The following SULF1 variants were observed in gnomAD, a reference collection of about 807,000 sequenced individuals.
SULF1 encodes the protein sulfatase 1.
In SULF1, 46 loss-of-function variants were observed where a neutral mutation model predicts 110.5. The ratio of observed to expected loss-of-function variants is 0.42; its 90% CI spans 0.33 to 0.53. The LOEUF (loss-of-function observed/expected upper bound fraction) is 0.53. Among genes scored for constraint, SULF1 ranks in the 20% least tolerant of loss-of-function variants. The pLI, the probability that SULF1 is intolerant of heterozygous loss-of-function variation, is 0.12. For missense variants in SULF1, 941 were observed against 1,094.2 expected (o/e 0.86, Z 1.98); for synonymous variants, 371 against 387.1 (o/e 0.96, Z 0.49).
At chr8:69,588,219 C>T (rs368339176) in intron 7 of SULF1, among the ~76,000 whole-genome samples, 45 of 152,130 alleles carry the variant, frequency 3.0e-4, no homozygotes, top group African/African-American at 8.0e-4. Context: ...CTGCATCAGC[C>T]CCCCCTGACT....
At chr8:69,573,267 C>T (rs111767889) in intron 5 of SULF1, among the ~76,000 whole-genome samples, 43 of 152,336 alleles carry the variant, frequency 2.8e-4, no homozygotes, top group African/African-American at 9.4e-4. Context: ...GGGAGCCCTA[C>T]ACAATCAGCT....
chr8:69,494,898 AAAAG>A (rs1463964332), intron 1 of SULF1, among the ~76,000 whole-genome samples: 3 of 151,914 alleles, frequency 2.0e-5, no homozygotes, highest in Admixed American at 6.6e-5. Context: ...AAAAAAAAAA[AAAAG>A]AGAGAGACTA....
chr8:69,578,959 C>T (rs1805848702), intron 6 of SULF1, among the ~76,000 whole-genome samples: 1 of 151,216 alleles, frequency 6.6e-6, no homozygotes, highest in South Asian at 2.1e-4. Flanking sequence ...GTCAGGAGAT[C>T]GAGACCATCC....
intron 3 of SULF1, among the ~76,000 whole-genome samples, chr8:69,557,121 A>G (rs1321702140): frequency 3.3e-5 from 5 of 152,218 alleles, no homozygotes; most frequent in Admixed American, 6.5e-5. Context: ...TTATCGCTGC[A>G]TAGTATTTCA....
intron 8 of SULF1, among the ~76,000 whole-genome samples, chr8:69,594,268 C>T (rs1586498532): frequency 1.3e-5 from 2 of 152,278 alleles, no homozygotes; most frequent in South Asian, 2.1e-4. Flanking sequence ...TCAGGCTGGT[C>T]TTGAACTCCT....
At chr8:69,563,877 T>C (rs1815681236) in intron 4 of SULF1, 39 bp from the exon 5 acceptor site, 3 of 1,265,134 alleles carry the variant, frequency 2.4e-6, no homozygotes, top group Non-Finnish European at 3.4e-6. Flanking sequence ...TTGGATTTCA[T>C]TTTAGTCTCA....
upstream of SULF1, among the ~76,000 whole-genome samples, chr8:69,492,390 A>G (rs551562300): frequency 1.3e-4 from 20 of 152,162 alleles, no homozygotes; most frequent in South Asian, 4.2e-3. Flanking sequence ...ATCCTTAGGA[A>G]AACAAGAGAC....
intron 5 of SULF1, among the ~76,000 whole-genome samples, chr8:69,565,315 T>A (rs550464810): frequency 8.3e-4 from 127 of 152,218 alleles, no homozygotes; most frequent in African/African-American, 3.0e-3. Flanking sequence ...TTAGCACATA[T>A]GATGTTAGTA....
chr8:69,485,836 T>G (rs571194101), intron 1 of SULF1, among the ~76,000 whole-genome samples: 1 of 152,314 alleles, frequency 6.6e-6, no homozygotes, highest in East Asian at 1.9e-4. Flanking sequence ...CATATTGAAT[T>G]TCTTGGACCG....
chr8:69,619,672 G>C (rs751641290), intron 13 of SULF1, among the ~76,000 whole-genome samples: 3 of 152,216 alleles, frequency 2.0e-5, no homozygotes, highest in Non-Finnish European at 4.4e-5. Flanking sequence ...ACTCTCTGCC[G>C]AGTATGCAGT....
At chr8:69,510,546 A>T (rs1811482079) in intron 3 of SULF1, among the ~76,000 whole-genome samples, 2 of 152,174 alleles carry the variant, frequency 1.3e-5, no homozygotes, top group South Asian at 4.1e-4. Flanking sequence ...TTATTTATAG[A>T]AATTCAAAAA....
At chr8:69,627,367 T>A (rs1810167166) in intron 16 of SULF1, 61 bp downstream of exon 16, 1 of 1,264,146 alleles carries the variant, frequency 7.9e-7, no homozygotes, top group Non-Finnish European at 1.2e-6. Flanking sequence ...CTGCCAGCCC[T>A]GCTGTGTCTG....
At chr8:69,526,798 A>G (rs370399493) in intron 3 of SULF1, among the ~76,000 whole-genome samples, 82 of 112,282 alleles carry the variant, frequency 7.3e-4, no homozygotes, top group Non-Finnish European at 1.2e-3. Flanking sequence ...GTCAAGAAAG[A>G]AAGGAAGGAA....
intron 7 of SULF1, among the ~76,000 whole-genome samples, chr8:69,588,373 G>A (rs1202326098): frequency 6.6e-6 from 1 of 152,160 alleles, no homozygotes; most frequent in Non-Finnish European, 1.5e-5. Flanking sequence ...ATCAAATGTT[G>A]CAGCTTTTCC....
At chr8:69,560,537 A>G (rs1053457614) in intron 3 of SULF1, among the ~76,000 whole-genome samples, 2 of 152,186 alleles carry the variant, frequency 1.3e-5, no homozygotes, top group East Asian at 1.9e-4. Flanking sequence ...AGAATAGAAC[A>G]CTGTTCTTCA....
Position 69,658,666 on chromosome 8 carries a change from TTAGA to T in SULF1, c.*136_*139del, listed in dbSNP as rs776496663. The stretch of plus-strand genomic sequence containing the variant: ...GGACTGGACTAATTACTTGAAGGAT[TTAGA>T]TAGAGTATTTGCACTGCTGAAGAGT... On this transcript the variant is annotated 3_prime_UTR_variant, in exon 23 of 23. Coordinates refer to ENST00000402687, the MANE Select transcript of SULF1 (RefSeq NM_001128205.2). 3.8e-6 allele frequency: 3 copies of T among 781,056 alleles called. No homozygotes were observed. The highest frequency in any genetic ancestry group is 1.9e-5 in the Admixed American group (1 of 51,302). The allele number at this position is 781,056 out of a possible 1,614,324, so 48.4% of individuals were successfully genotyped here. A position where few individuals can be genotyped will look rare whatever the true frequency, so the allele number is the denominator to read the frequency against.
chr8:69,547,822 G>T (rs1247785527), intron 3 of SULF1, among the ~76,000 whole-genome samples: 1 of 152,110 alleles, frequency 6.6e-6, no homozygotes, highest in East Asian at 1.9e-4. Context: ...TCAACAAAGG[G>T]TTGCTGAATC....
At position 69,570,195 on chromosome 8, in the gene SULF1, C is replaced by A. The variant is rs1311573301; in HGVS notation, c.173-5775C>A. ...GCTGGGTTTGCTTGTTGTTGTCAAT[C>A]TTCAAACCATGAATGCTCTAATCCA... is the stretch of plus-strand genomic sequence containing the variant. On this transcript the variant is annotated intron_variant, in intron 5 of 22. Transcript: ENST00000402687. 5.9e-5 allele frequency among the ~76,000 whole-genome samples: 9 copies of A among 152,322 alleles called. No individual in the cohort carries two copies. The East Asian group carries it at 1.2e-3, about 20-fold the overall frequency.
At chr8:69,638,352 G>T (rs1811211440) in intron 19 of SULF1, 150 bp from the exon 20 acceptor site, 2 of 888,650 alleles carry the variant, frequency 2.3e-6, no homozygotes, top group Non-Finnish European at 3.4e-6. Flanking sequence ...GGGGGGAAAG[G>T]TATTATTATT....
Sources: allele counts gnomAD v4.1 joint callset (sites outside exome capture counted in the v4.1 genomes callset), GRCh38; gene constraint gnomAD v4.1.1; transcripts MANE v1.5; gene names NCBI Gene and HGNC (gene_info 2026-07-23, HGNC 2026-07-21).